MEIS1: variants seen among roughly 807,000 people sequenced by gnomAD.
MEIS1 encodes the protein homeobox protein Meis1.
In MEIS1, 5 loss-of-function variants were observed where a neutral mutation model predicts 50.8. That is an observed-to-expected ratio of 0.10 (90% confidence interval 0.05 to 0.21). The LOEUF (loss-of-function observed/expected upper bound fraction) is 0.21, where lower values mean the gene tolerates loss of function less well. MEIS1 is among the 10% of genes least tolerant of loss of function. The pLI is 1.00. For missense variants in MEIS1, 318 were observed against 517.3 expected, an observed-to-expected ratio of 0.61 and a Z score of 3.74; for synonymous variants, 176 against 179.3, an observed-to-expected ratio of 0.98 and a Z score of 0.15.
Position 66,517,835 on chromosome 2 carries a change from C to T in MEIS1, c.888+5541C>T, listed in dbSNP as rs532697393. ...CAGATTCTGGGGCAACTGCCTTTTT[C>T]TTTTTCTTAGCTGGTTATTGAAATC... On this transcript the variant is annotated intron_variant, in intron 8 of 12. Transcript: ENST00000272369. Among the ~76,000 whole-genome samples, 869 of 152,108 alleles carry T rather than the reference C, an allele frequency of 5.7e-3. 13 individuals are homozygous for T. Among genetic ancestry groups the T allele is most frequent in the Non-Finnish European group, 4.2e-3 (287 of 67,968 alleles).
intron 6 of MEIS1, chr2:66,445,398 GA>G (rs1181486525): frequency 6.6e-6 from 1 of 152,454 alleles, no homozygotes; most frequent in African/African-American, 2.4e-5. Context: ...CGCGACGAAT[GA>G]AGCACCAGGG....
chr2:66,545,111 AAAT>A (rs1674757184), intron 8 of MEIS1, among the ~76,000 whole-genome samples: 1 of 152,200 alleles, frequency 6.6e-6, no homozygotes, highest in Admixed American at 6.5e-5. Context: ...TAAATGGTAT[AAAT>A]AATAATTTTT....
chr2:66,437,982 A>C lies in MEIS1; in HGVS notation c.239+19A>C. 1 of 1,543,998 alleles carries C rather than the reference A, an allele frequency of 6.5e-7. No homozygotes were observed. Among genetic ancestry groups the C allele is most frequent in the Non-Finnish European group, 8.8e-7 (1 of 1,140,620 alleles). On this transcript the variant is annotated intron_variant, in intron 2 of 12. Coordinates refer to ENST00000272369, the MANE Select transcript of MEIS1 (RefSeq NM_002398.3). ...TTTATGGGTAGGTACAATGGGCAGC[A>C]GGTTAAGTAGTTGAGACTCAACGCT...
At chr2:66,452,788 G>C (rs1672305187) in intron 6 of MEIS1, among the ~76,000 whole-genome samples, 1 of 151,832 alleles carries the variant, frequency 6.6e-6, no homozygotes, top group Admixed American at 6.6e-5. Context: ...TTGGTGGCTT[G>C]GCCTATTGTT....
Position 66,571,657 on chromosome 2 carries a change from C to G in MEIS1, c.*449C>G, listed in dbSNP as rs913365865. Reference sequence around the variant, plus strand: ...AGCATCCCTAATTCTTCATAGGGACCTTTAAAAAGCAGGAAATACCAACTG... The same window carrying G: ...AGCATCCCTAATTCTTCATAGGGACGTTTAAAAAGCAGGAAATACCAACTG... On this transcript the variant is annotated 3_prime_UTR_variant, in exon 13 of 13. Coordinates refer to ENST00000272369, the MANE Select transcript of MEIS1 (RefSeq NM_002398.3). 38 of 1,105,756 alleles carry G rather than the reference C, an allele frequency of 3.4e-5. No individual in the cohort carries two copies. The highest frequency in any genetic ancestry group is 2.7e-4 in the Middle Eastern group (1 of 3,658). 68.5% of individuals were successfully genotyped at this position (1,105,756 alleles called of 1,614,324 possible).
At chr2:66,539,925 A>G (rs905258422) in intron 8 of MEIS1, among the ~76,000 whole-genome samples, 3 of 152,176 alleles carry the variant, frequency 2.0e-5, no homozygotes, top group African/African-American at 7.2e-5. Context: ...TCTGTTCACC[A>G]TGATTAATAA....
At chr2:66,490,970 G>A (rs1164479448) in intron 7 of MEIS1, among the ~76,000 whole-genome samples, 1 of 151,946 alleles carries the variant, frequency 6.6e-6, no homozygotes, top group Non-Finnish European at 1.5e-5. Context: ...GCCACTGAGT[G>A]CTTAAACCTC....
chr2:66,514,333 G>GAAAC (rs1241038930), intron 8 of MEIS1, among the ~76,000 whole-genome samples: 19 of 152,126 alleles, frequency 1.2e-4, no homozygotes, highest in Admixed American at 1.2e-3. Context: ...TTATCTTCTT[G>GAAAC]AAACAAACAA....
chr2:66,500,451 G>T (rs1394674203), intron 7 of MEIS1, among the ~76,000 whole-genome samples: 1 of 152,086 alleles, frequency 6.6e-6, no homozygotes, highest in Non-Finnish European at 1.5e-5. Flanking sequence ...TTGAGATGGA[G>T]TCTCGCTCTG....
At position 66,435,571 on chromosome 2, in the gene MEIS1, TA is replaced by T; in HGVS notation, c.-283del. The T allele has an allele frequency of 5.0e-6, 2 of 396,774 alleles. No homozygotes were observed. The highest frequency in any genetic ancestry group is 8.9e-6 in the Non-Finnish European group (2 of 225,596). The allele number at this position is 396,774 out of a possible 1,614,324, so 24.6% of individuals were successfully genotyped here. ...CTTTCTTTCTTTCTTTTTTTTTTTT[TA>T]AACTGATTTTTGGGGGAGAGAAGAT... On this transcript the variant is annotated 5_prime_UTR_variant, in exon 1 of 13. Coordinates refer to ENST00000272369, the MANE Select transcript of MEIS1 (RefSeq NM_002398.3).
At chr2:66,531,498 T>C (rs1202250194) in intron 8 of MEIS1, among the ~76,000 whole-genome samples, 1 of 152,202 alleles carries the variant, frequency 6.6e-6, no homozygotes, top group Non-Finnish European at 1.5e-5. Flanking sequence ...AATTAAAAAT[T>C]GGTTTCCTAT....
At chr2:66,548,303 T>C (rs973291138) in intron 9 of MEIS1, among the ~76,000 whole-genome samples, 15 of 152,230 alleles carry the variant, frequency 9.9e-5, no homozygotes, top group African/African-American at 3.4e-4. Flanking sequence ...TGTATCTCTC[T>C]CTATGGCTTT....
chr2:66,517,761 G>GAA (rs1393249746), intron 8 of MEIS1, among the ~76,000 whole-genome samples: 4 of 151,914 alleles, frequency 2.6e-5, no homozygotes, highest in Non-Finnish European at 4.4e-5. Flanking sequence ...TAATTTTTCT[G>GAA]TGATATACAT....
chr2:66,537,753 T>C (rs544138875), intron 8 of MEIS1, among the ~76,000 whole-genome samples: 34 of 152,222 alleles, frequency 2.2e-4, no homozygotes, highest in Non-Finnish European at 4.3e-4. Flanking sequence ...TTCTACTTAA[T>C]GGTTTCAAAA....
intron 7 of MEIS1, among the ~76,000 whole-genome samples, chr2:66,503,736 A>AT (rs70943702): frequency 0.022 from 1,728 of 77,820 alleles, 72 homozygotes; most frequent in South Asian, 0.039. Context: ...TATATGGGGC[A>AT]TTTTTTTTTT....
At chr2:66,439,325 A>T in intron 2 of MEIS1, 1 of 1,162,170 alleles carries the variant, frequency 8.6e-7, no homozygotes, top group Non-Finnish European at 1.1e-6. Context: ...CAGCCCGTTG[A>T]CAGTCGGCCC....
At chr2:66,458,424 C>T (rs1672444465) in intron 6 of MEIS1, among the ~76,000 whole-genome samples, 1 of 152,166 alleles carries the variant, frequency 6.6e-6, no homozygotes, top group Non-Finnish European at 1.5e-5. Context: ...ACGAAGCCAG[C>T]TCAGGTTAAC....
At chr2:66,450,134 A>C (rs911023223) in intron 6 of MEIS1, among the ~76,000 whole-genome samples, 1 of 152,158 alleles carries the variant, frequency 6.6e-6, no homozygotes, top group South Asian at 2.1e-4. Flanking sequence ...ATATGGACCA[A>C]TTTATGTGGC....
rs996194355 is a variant in MEIS1, at chr2:66,435,205, C to A, written c.-652C>A. ...GGGACTGCAAGCGGGCAGCATCGAT[C>A]GTGGCTCCTTTAAGACAAACTCAGA... On this transcript the variant is annotated 5_prime_UTR_variant, in exon 1 of 13. Transcript: ENST00000272369. 6.6e-6 allele frequency: 1 copy of A among 152,482 alleles called. No homozygotes were observed. 9.4% of individuals were successfully genotyped at this position (152,482 alleles called of 1,614,324 possible).
Sources: gnomAD v4.1 joint callset for allele counts (sites outside exome capture counted in the v4.1 genomes callset) on GRCh38, gnomAD v4.1.1 for gene constraint, MANE v1.5 for transcripts, NCBI Gene and HGNC (gene_info 2026-07-23, HGNC 2026-07-21) for gene names.